DDX10: variants seen among roughly 807,000 people sequenced by gnomAD.
The protein encoded by DDX10 is DEAD-box helicase 10.
In DDX10, 74 loss-of-function variants were observed where a neutral mutation model predicts 104.3. That is an observed-to-expected ratio of 0.71 (90% CI 0.59 to 0.86). DDX10 has a LOEUF of 0.86. DDX10 is among the 40% of genes least tolerant of loss of function. The pLI is 0.00. For missense variants in DDX10, 952 were observed against 1,040.0 expected (o/e 0.92, Z 1.16); for synonymous variants, 351 against 353.4 (o/e 0.99, Z 0.08).
chr11:108,865,880 T>C (rs987178908), intron 16 of DDX10, among the ~76,000 whole-genome samples: 9 of 152,118 alleles, frequency 5.9e-5, no homozygotes, highest in African/African-American at 2.2e-4. Flanking sequence ...AATACCATGA[T>C]AGAGAAGTTT....
rs766145708 is a variant in DDX10 at position 108,723,131 on chromosome 11, T to C, written c.1634T>C (p.Val545Ala). 1 of 1,613,808 alleles carries C rather than the reference T, an allele frequency of 6.2e-7. No individual in the cohort carries two copies. The highest frequency in any genetic ancestry group is 1.1e-5 in the South Asian group (1 of 91,064). Residue 545 changes from valine to alanine, a missense_variant, in exon 13 of 18, where the codon GTG becomes GCG. By Grantham distance (64) the Val-to-Ala change is moderately conservative. This residue lies in a region of DDX10 where 533 missense variants were observed against 534.1 expected (regional missense o/e 1.00). Coordinates refer to ENST00000322536, the MANE Select transcript of DDX10 (RefSeq NM_004398.4). Reference protein sequence around the residue: ...PRAPSLTNDEVEEFRAYFNEK... With the variant: ...PRAPSLTNDEAEEFRAYFNEK... ...GCTCCCTCCCTCACCAATGACGAAGTGGAAGAATTTAGAGCCTACTTCAAT... is the reference window on the plus strand; with the variant it reads ...GCTCCCTCCCTCACCAATGACGAAGCGGAAGAATTTAGAGCCTACTTCAAT...
chr11:108,714,164 G>A (rs2094288287), intron 10 of DDX10, among the ~76,000 whole-genome samples: 1 of 152,224 alleles, frequency 6.6e-6, no homozygotes, highest in Non-Finnish European at 1.5e-5. Context: ...AGCTCCTGGA[G>A]TAAAACTCAT....
At chr11:108,923,387 T>TA (rs1863860754) in intron 17 of DDX10, among the ~76,000 whole-genome samples, 1 of 152,186 alleles carries the variant, frequency 6.6e-6, no homozygotes, top group Non-Finnish European at 1.5e-5. Context: ...ATGTTCAAAA[T>TA]AAAAATATTT....
chr11:108,725,016 C>T (rs1005739790), intron 13 of DDX10, among the ~76,000 whole-genome samples: 8 of 152,058 alleles, frequency 5.3e-5, no homozygotes, highest in Non-Finnish European at 1.0e-4. Context: ...CTTCACTCAA[C>T]CTCTGGCAAC....
intron 13 of DDX10, among the ~76,000 whole-genome samples, chr11:108,837,334 T>C (rs1862568863): frequency 6.6e-6 from 1 of 152,146 alleles, no homozygotes; most frequent in Non-Finnish European, 1.5e-5. Flanking sequence ...CTGCATTGGG[T>C]TAAGTACCAC....
intron 16 of DDX10, among the ~76,000 whole-genome samples, chr11:108,897,071 T>C (rs2092633416): frequency 6.6e-6 from 1 of 152,120 alleles, no homozygotes; most frequent in African/African-American, 2.4e-5. Context: ...CTTTTTAACT[T>C]CTTTAAACTG....
chr11:108,678,057 A>G (rs780249141), intron 4 of DDX10, among the ~76,000 whole-genome samples: 2 of 151,338 alleles, frequency 1.3e-5, no homozygotes, highest in Non-Finnish European at 2.9e-5. Flanking sequence ...TCATTTGATT[A>G]TTTTTTTTTC....
chr11:108,764,227 C>T (rs556348253), intron 13 of DDX10, among the ~76,000 whole-genome samples: 2 of 152,206 alleles, frequency 1.3e-5, no homozygotes, highest in East Asian at 1.9e-4. Flanking sequence ...TAACATCTTC[C>T]AGTGAATTTT....
intron 13 of DDX10, among the ~76,000 whole-genome samples, chr11:108,801,387 T>C (rs191533193): frequency 1.3e-5 from 2 of 152,334 alleles, no homozygotes; most frequent in East Asian, 1.9e-4. Flanking sequence ...TTTTTGAGTA[T>C]GTTTTGGAAA....
intron 9 of DDX10, among the ~76,000 whole-genome samples, chr11:108,704,361 C>G (rs1212042819): frequency 1.3e-5 from 2 of 152,222 alleles, no homozygotes. Context: ...TCACTGTTCT[C>G]TGTCCTTATG....
intron 13 of DDX10, among the ~76,000 whole-genome samples, chr11:108,731,314 G>C (rs542326656): frequency 6.6e-6 from 1 of 152,202 alleles, no homozygotes; most frequent in African/African-American, 2.4e-5. Flanking sequence ...GCCTCTCAAA[G>C]TGCTAGGATT....
At chr11:108,778,022 C>A (rs1211368109) in intron 13 of DDX10, among the ~76,000 whole-genome samples, 1 of 152,148 alleles carries the variant, frequency 6.6e-6, no homozygotes, top group Non-Finnish European at 1.5e-5. Context: ...GAACTACAAA[C>A]CACTGCTCAG....
At chr11:108,849,743 A>C (rs1485777176) in intron 15 of DDX10, among the ~76,000 whole-genome samples, 19 of 148,462 alleles carry the variant, frequency 1.3e-4, no homozygotes, top group Non-Finnish European at 2.9e-4. Flanking sequence ...ATAAAATAGG[A>C]AAAATAAAGC....
intron 14 of DDX10, among the ~76,000 whole-genome samples, chr11:108,839,541 T>C (rs1166607362): frequency 4.6e-5 from 7 of 152,208 alleles, no homozygotes; most frequent in Admixed American, 4.6e-4. Flanking sequence ...TTCAATAAAA[T>C]AACAGCTTTT....
intron 13 of DDX10, among the ~76,000 whole-genome samples, chr11:108,791,608 A>G (rs1168773861): frequency 6.6e-6 from 1 of 152,040 alleles, no homozygotes; most frequent in Non-Finnish European, 1.5e-5. Flanking sequence ...TATACCTTCC[A>G]ATTTAGTTCT....
intron 16 of DDX10, among the ~76,000 whole-genome samples, chr11:108,858,875 A>T (rs1312211600): frequency 6.6e-6 from 1 of 152,076 alleles, no homozygotes; most frequent in Non-Finnish European, 1.5e-5. Flanking sequence ...TGATATGTTG[A>T]TTTTCACCTT....
At chr11:108,669,966 C>G (rs2094214962) in intron 1 of DDX10, among the ~76,000 whole-genome samples, 1 of 152,200 alleles carries the variant, frequency 6.6e-6, no homozygotes, top group South Asian at 2.1e-4. Flanking sequence ...TAGATTTTAG[C>G]CAAGCGAAAC....
rs549893427 is a variant in DDX10, at chr11:108,814,428, G to A, written c.1966-24018G>A. Reference sequence around the variant, plus strand: ...GATTATTAGTTTATAGCTTTACAACGTAATAAGCCCCAGGTGTAGGGAATT... The same window carrying A: ...GATTATTAGTTTATAGCTTTACAACATAATAAGCCCCAGGTGTAGGGAATT... On this transcript the variant is annotated intron_variant, in intron 13 of 17. Coordinates refer to ENST00000322536, the MANE Select transcript of DDX10 (RefSeq NM_004398.4). Among the ~76,000 whole-genome samples the A allele has an allele frequency of 1.5e-4, 23 of 152,120 alleles. 1 individual carries two copies. In the East Asian group the frequency reaches 1.5e-3, roughly 10 times the overall value.
At chr11:108,722,510 G>T (rs2094299504) in intron 12 of DDX10, among the ~76,000 whole-genome samples, 1 of 152,186 alleles carries the variant, frequency 6.6e-6, no homozygotes, top group Non-Finnish European at 1.5e-5. Flanking sequence ...CCACATTCCA[G>T]TTCTTTCTCT....
Sources: gnomAD v4.1 joint callset for allele counts (sites outside exome capture counted in the v4.1 genomes callset) on GRCh38, gnomAD v4.1.1 for gene constraint, gnomAD v4.1.1 regional missense constraint, MANE v1.5 for transcripts, NCBI Gene and HGNC (gene_info 2026-07-23, HGNC 2026-07-21) for gene names.